The following DEFB121 variants were observed in gnomAD, a reference collection of about 807,000 sequenced individuals.
DEFB121 encodes the protein defensin beta 121, also known as beta-defensin 121.
Under a neutral mutation model 2.5 loss-of-function variants are expected in DEFB121, and 5 were observed. That is an observed-to-expected ratio of 1.96 (90% CI 1.03 to 4.13). The LOEUF (loss-of-function observed/expected upper bound fraction) is 4.13. Among genes scored for constraint, DEFB121 ranks in the 30% most tolerant of loss-of-function variants. The probability of loss-of-function intolerance (pLI) is 0.00; values close to 1 mark genes in which losing one functional copy is unlikely to be tolerated. For missense variants in DEFB121, 87 were observed against 85.0 expected, an observed-to-expected ratio of 1.02 and a Z score of -0.09; for synonymous variants, 39 against 32.6, an observed-to-expected ratio of 1.20 and a Z score of -0.67.
chr20:31,412,126 T>A (rs1978680465), intron 1 of DEFB121, among the ~76,000 whole-genome samples: 1 of 152,220 alleles, frequency 6.6e-6, no homozygotes, highest in East Asian at 1.9e-4. Context: ...TATCTACATA[T>A]CACTTCTTTG....
upstream of DEFB121, among the ~76,000 whole-genome samples, chr20:31,417,647 AT>A (rs1306515924): frequency 6.6e-6 from 1 of 152,110 alleles, no homozygotes; most frequent in African/African-American, 2.4e-5. Flanking sequence ...AGAAAAATTG[AT>A]TTCAGTAATC....
upstream of DEFB121, among the ~76,000 whole-genome samples, chr20:31,408,448 C>G (rs1046161118): frequency 1.3e-5 from 2 of 151,104 alleles, no homozygotes; most frequent in African/African-American, 4.9e-5. Context: ...ACCCTGTCTC[C>G]AAAAACAAAA....
chr20:31,414,906 T>C (rs1054442484), upstream of DEFB121, among the ~76,000 whole-genome samples: 2 of 151,992 alleles, frequency 1.3e-5, no homozygotes, highest in Non-Finnish European at 2.9e-5. Context: ...AAAAATTAGC[T>C]GGGCATGGTG....
At chr20:31,405,106 G>A in intron 1 of DEFB121, 21 bp from the exon 2 acceptor site, 1 of 1,587,380 alleles carries the variant, frequency 6.3e-7, no homozygotes, top group Non-Finnish European at 8.5e-7. Flanking sequence ...AAGGGAAGAA[G>A]AGAATAGAGT....
upstream of DEFB121, among the ~76,000 whole-genome samples, chr20:31,407,174 C>T (rs1009767680): frequency 8.7e-5 from 13 of 149,368 alleles, no homozygotes; most frequent in Non-Finnish European, 1.5e-5. Flanking sequence ...AGCTTGAATC[C>T]GGGAGGCGGA....
At chr20:31,410,656 A>G (rs17090858), upstream of DEFB121, among the ~76,000 whole-genome samples, 5,578 of 152,242 alleles carry the variant, frequency 0.037, 344 homozygotes, top group African/African-American at 0.13. Flanking sequence ...ATCATTAGTA[A>G]GGTATCAGCC....
At chr20:31,409,262 T>C (rs981629994), upstream of DEFB121, among the ~76,000 whole-genome samples, 1 of 152,244 alleles carries the variant, frequency 6.6e-6, no homozygotes, top group Non-Finnish European at 1.5e-5. Flanking sequence ...CTTTGGTATT[T>C]ATCAAAGATA....
upstream of DEFB121, among the ~76,000 whole-genome samples, chr20:31,408,090 T>A (rs1378352988): frequency 6.6e-6 from 1 of 152,184 alleles, no homozygotes. Flanking sequence ...AGGTCTATCA[T>A]TTCAAAATGG....
chr20:31,418,247 G>A, the DEFB121 span, among the ~76,000 whole-genome samples: 1 of 103,378 alleles, frequency 9.7e-6, no homozygotes, highest in Non-Finnish European at 1.9e-5. Flanking sequence ...GCGACAGAGC[G>A]AGACTCCGTC....
upstream of DEFB121, among the ~76,000 whole-genome samples, chr20:31,409,204 T>A (rs1025929770): frequency 6.6e-6 from 1 of 152,196 alleles, no homozygotes; most frequent in Admixed American, 6.5e-5. Flanking sequence ...TTTAACAGTT[T>A]CTTATAAAGT....
At chr20:31,405,891 A>G (rs752097290) in intron 1 of DEFB121, among the ~76,000 whole-genome samples, 1 of 152,178 alleles carries the variant, frequency 6.6e-6, no homozygotes, top group Non-Finnish European at 1.5e-5. Flanking sequence ...ACCAGAGATA[A>G]GGTTGGAATG....
chr20:31,418,325 G>A, the DEFB121 span, among the ~76,000 whole-genome samples: 2 of 147,744 alleles, frequency 1.4e-5, no homozygotes, highest in Non-Finnish European at 3.0e-5. Context: ...AACATGAAAC[G>A]TCAAAATCCT....
upstream of DEFB121, among the ~76,000 whole-genome samples, chr20:31,406,536 T>C (rs962883124): frequency 2.0e-5 from 3 of 152,196 alleles, no homozygotes; most frequent in African/African-American, 7.2e-5. Flanking sequence ...CTCTGCGCCT[T>C]GGGTTCTTCC....
chr20:31,406,040 T>C (rs1252981726), intron 1 of DEFB121, 55 bp downstream of exon 1: 3 of 1,601,400 alleles, frequency 1.9e-6, no homozygotes, highest in Non-Finnish European at 2.6e-6. Flanking sequence ...CCCAGAGTTC[T>C]CTGAACATGC....
Position 31,412,005 on chromosome 20 carries a change from G to A in DEFB121, n.217+617C>T, listed in dbSNP as rs145671873. Among the ~76,000 whole-genome samples, 270 of 152,320 alleles carry A rather than the reference G, an allele frequency of 1.8e-3. 1 individual carries two copies. Among genetic ancestry groups the A allele is most frequent in the African/African-American group, 6.2e-3 (257 of 41,570 alleles). Reference sequence around the variant, plus strand: ...TCTTGCTTTGGCCCATAAGTCATAAGTGACCCTAACTGAAGAGTTTGCCCA... The same window carrying A: ...TCTTGCTTTGGCCCATAAGTCATAAATGACCCTAACTGAAGAGTTTGCCCA... On this transcript the variant is annotated intron_variant and non_coding_transcript_variant, in intron 1 of 1. Transcript: ENST00000376312.
At chr20:31,409,959 C>A (rs1046077202), upstream of DEFB121, among the ~76,000 whole-genome samples, 7 of 151,958 alleles carry the variant, frequency 4.6e-5, no homozygotes, top group Non-Finnish European at 8.8e-5. Flanking sequence ...CATGAGGGAA[C>A]TTTCAGAGTG....
At chr20:31,408,974 C>T (rs1477930561), upstream of DEFB121, among the ~76,000 whole-genome samples, 1 of 151,216 alleles carries the variant, frequency 6.6e-6, no homozygotes, top group Non-Finnish European at 1.5e-5. Flanking sequence ...TGCAGTGAGC[C>T]GAGATGGTGC....
At position 31,404,926 on chromosome 20, in the gene DEFB121, G is replaced by T. The variant is rs967966294; in HGVS notation, c.218C>A (p.Thr73Asn). 6 of 1,613,984 alleles carry T rather than the reference G, an allele frequency of 3.7e-6. 1 individual carries two copies. In the Middle Eastern group the frequency reaches 6.6e-4, roughly 177 times the overall value. ...GGAAGAGAGGTGTCAGACTGCAGAA[G>T]TTGATTCCAGGCTTGTATTTGTGTC... ...LTDTNTSLES[T>N]SAV Residue 73 changes from threonine to asparagine, a missense_variant, in exon 2 of 2, where the codon ACT (threonine) becomes AAT (asparagine). Thr to Asn is a moderately conservative substitution (Grantham distance 65). Transcript: ENST00000376314.
intron 1 of DEFB121, among the ~76,000 whole-genome samples, chr20:31,411,872 T>G (rs749651307): frequency 3.3e-5 from 5 of 152,216 alleles, no homozygotes; most frequent in Non-Finnish European, 7.3e-5. Flanking sequence ...ATCATTCCCC[T>G]CTTCTTGAGC....
Sources: allele counts gnomAD v4.1 joint callset (sites outside exome capture counted in the v4.1 genomes callset), GRCh38; gene constraint gnomAD v4.1.1; transcripts MANE v1.5; gene names NCBI Gene and HGNC (gene_info 2026-07-23, HGNC 2026-07-21).